TMEM178B: variants seen among roughly 807,000 people sequenced by gnomAD.
TMEM178B encodes transmembrane protein 178B.
Under a neutral mutation model 31.0 loss-of-function variants are expected in TMEM178B, and 5 were observed. That is an observed-to-expected ratio of 0.16 (90% CI 0.08 to 0.34). The LOEUF (loss-of-function observed/expected upper bound fraction) is 0.34. Among genes scored for constraint, TMEM178B ranks in the 10% least tolerant of loss-of-function variants. The pLI is 1.00. For synonymous variants in TMEM178B, 164 were observed against 164.0 expected, an observed-to-expected ratio of 1.00 and a Z score of 0.00; for missense variants, 275 against 400.3, an observed-to-expected ratio of 0.69 and a Z score of 2.67.
At chr7:141,281,958 C>CT (rs1798372333) in intron 2 of TMEM178B, among the ~76,000 whole-genome samples, 1 of 152,050 alleles carries the variant, frequency 6.6e-6, no homozygotes, top group South Asian at 2.1e-4. Context: ...ATTGGATTTG[C>CT]TTTTTGTTTT....
chr7:141,291,115 T>C (rs1018208081), intron 2 of TMEM178B, among the ~76,000 whole-genome samples: 5 of 152,154 alleles, frequency 3.3e-5, no homozygotes, highest in South Asian at 2.1e-4. Flanking sequence ...CTCCAGGAGA[T>C]AGCAGGATTC....
intron 1 of TMEM178B, among the ~76,000 whole-genome samples, chr7:141,095,305 C>A (rs565105922): frequency 6.6e-6 from 1 of 152,232 alleles, no homozygotes; most frequent in Admixed American, 6.5e-5. Context: ...ATTTGGAAAC[C>A]ATGTGAGAAA....
At chr7:141,429,308 T>TACACACACACACACACAC (rs3039921) in intron 2 of TMEM178B, among the ~76,000 whole-genome samples, 23 of 149,740 alleles carry the variant, frequency 1.5e-4, no homozygotes, top group South Asian at 4.3e-4. Flanking sequence ...GAAAATGTAA[T>TACACACACACACACACAC]ACACACACAC....
At chr7:141,287,344 T>G (rs554720070) in intron 2 of TMEM178B, among the ~76,000 whole-genome samples, 11 of 152,340 alleles carry the variant, frequency 7.2e-5, no homozygotes, top group Admixed American at 2.0e-4. Flanking sequence ...AATTTTTATG[T>G]CTCTCATATC....
chr7:141,437,136 G>A (rs1189914363), intron 2 of TMEM178B, among the ~76,000 whole-genome samples: 1 of 152,170 alleles, frequency 6.6e-6, no homozygotes, highest in African/African-American at 2.4e-5. Flanking sequence ...AGATCCAGCA[G>A]CCCATTTCTG....
intron 1 of TMEM178B, among the ~76,000 whole-genome samples, chr7:141,209,939 G>A (rs892347433): frequency 5.3e-5 from 8 of 152,148 alleles, no homozygotes; most frequent in African/African-American, 1.2e-4. Context: ...AAGGGAGCTG[G>A]GACTTTATGC....
At chr7:141,431,798 A>G (rs895602832) in intron 2 of TMEM178B, among the ~76,000 whole-genome samples, 1 of 152,196 alleles carries the variant, frequency 6.6e-6, no homozygotes, top group East Asian at 1.9e-4. Context: ...TACAAGCTAT[A>G]TATATGTTCC....
intron 1 of TMEM178B, among the ~76,000 whole-genome samples, chr7:141,133,895 A>G (rs941178263): frequency 1.3e-5 from 2 of 152,236 alleles, no homozygotes; most frequent in Admixed American, 6.5e-5. Context: ...ATTTCTCAAC[A>G]GAAACCTTAG....
chr7:141,323,326 T>C (rs1002282482), intron 2 of TMEM178B, among the ~76,000 whole-genome samples: 1 of 152,216 alleles, frequency 6.6e-6, no homozygotes, highest in Non-Finnish European at 1.5e-5. Flanking sequence ...CAAATACATG[T>C]ACATACAAAT....
intron 2 of TMEM178B, among the ~76,000 whole-genome samples, chr7:141,257,998 GTATTT>G (rs1186773342): frequency 5.9e-5 from 9 of 151,280 alleles, no homozygotes; most frequent in Admixed American, 5.9e-4. Context: ...AATTTTCCCT[GTATTT>G]TATTGTGTTT....
intron 2 of TMEM178B, among the ~76,000 whole-genome samples, chr7:141,306,583 G>C (rs1351111394): frequency 1.3e-5 from 2 of 151,226 alleles, no homozygotes; most frequent in African/African-American, 4.9e-5. Flanking sequence ...AGAGGTTAGA[G>C]GCAAAAATAC....
intron 1 of TMEM178B, among the ~76,000 whole-genome samples, chr7:141,177,699 T>TG: frequency 6.6e-6 from 1 of 152,164 alleles, no homozygotes; most frequent in Non-Finnish European, 1.5e-5. Context: ...CATTATGTAA[T>TG]GCCCTTTGTC....
At chr7:141,321,425 G>GCTGGT (rs1799096702) in intron 2 of TMEM178B, among the ~76,000 whole-genome samples, 1 of 152,204 alleles carries the variant, frequency 6.6e-6, no homozygotes, top group African/African-American at 2.4e-5. Flanking sequence ...CACACACTGT[G>GCTGGT]CTGGTCACTG....
intron 1 of TMEM178B, among the ~76,000 whole-genome samples, chr7:141,162,016 G>A (rs936677342): frequency 1.3e-5 from 2 of 152,110 alleles, no homozygotes; most frequent in African/African-American, 4.8e-5. Context: ...CCTTCCCAGC[G>A]CTGAGCAGCC....
chr7:141,185,397 G>A (rs1796593522), intron 1 of TMEM178B, among the ~76,000 whole-genome samples: 1 of 152,182 alleles, frequency 6.6e-6, no homozygotes, highest in African/African-American at 2.4e-5. Flanking sequence ...GAAGGGAGAT[G>A]GTGTTCCCCT....
At chr7:141,239,158 TG>T (rs1360165274) in intron 2 of TMEM178B, among the ~76,000 whole-genome samples, 2 of 152,152 alleles carry the variant, frequency 1.3e-5, no homozygotes, top group African/African-American at 2.4e-5. Context: ...TGTGCATGTG[TG>T]GGGACGTGTC....
chr7:141,348,913 G>A (rs779297593), intron 2 of TMEM178B, among the ~76,000 whole-genome samples: 5 of 152,186 alleles, frequency 3.3e-5, no homozygotes, highest in Non-Finnish European at 5.9e-5. Context: ...GCTCATGACA[G>A]AGTGACTGGC....
chr7:141,436,899 G>T (rs923175583), intron 2 of TMEM178B, among the ~76,000 whole-genome samples: 4 of 152,220 alleles, frequency 2.6e-5, no homozygotes, highest in African/African-American at 9.6e-5. Context: ...GCTGACCCGG[G>T]GGTGGAGGAG....
the TMEM178B span, among the ~76,000 whole-genome samples, chr7:141,491,299 C>G: frequency 1.3e-5 from 2 of 152,158 alleles, no homozygotes; most frequent in Non-Finnish European, 2.9e-5. Flanking sequence ...TCCTAAAGTG[C>G]TGGGATTACA....
Sources: gnomAD v4.1 joint callset for allele counts (sites outside exome capture counted in the v4.1 genomes callset) on GRCh38, gnomAD v4.1.1 for gene constraint, MANE v1.5 for transcripts, NCBI Gene and HGNC (gene_info 2026-07-23, HGNC 2026-07-21) for gene names.